The following NUDT4 variants were observed in gnomAD, a reference collection of about 807,000 sequenced individuals.
NUDT4 encodes the protein diphosphoinositol polyphosphate phosphohydrolase 2.
NUDT4 carries 5 observed loss-of-function variants against 23.1 expected under a neutral mutation model. That is an observed-to-expected ratio of 0.22 (90% CI 0.11 to 0.46). The LOEUF (loss-of-function observed/expected upper bound fraction) is 0.46, where lower values mean the gene tolerates loss of function less well. Ranked by LOEUF, NUDT4 falls within the 20% of genes least tolerant of loss-of-function variation. The probability of loss-of-function intolerance (pLI) is 0.99; values close to 1 mark genes in which losing one functional copy is unlikely to be tolerated. For synonymous variants in NUDT4, 50 were observed against 79.0 expected, an observed-to-expected ratio of 0.63 and a Z score of 1.95; for missense variants, 96 against 211.6, an observed-to-expected ratio of 0.45 and a Z score of 3.39.
intron 1 of NUDT4, among the ~76,000 whole-genome samples, chr12:93,387,896 C>T (rs1876223718): frequency 6.6e-6 from 1 of 152,164 alleles, no homozygotes; most frequent in Non-Finnish European, 1.5e-5. Flanking sequence ...ATCATCCAGT[C>T]TATTCTCTTA....
intron 3 of NUDT4, 37 bp downstream of exon 3, chr12:93,395,570 GAATT>G (rs765299274): frequency 6.6e-7 from 1 of 1,511,470 alleles, no homozygotes; most frequent in African/African-American, 1.4e-5. Context: ...GCTGATAATA[GAATT>G]AATGATTTCT....
intron 1 of NUDT4, among the ~76,000 whole-genome samples, chr12:93,384,184 C>CT (rs796263343): frequency 0.014 from 2,071 of 146,120 alleles, 51 homozygotes; most frequent in African/African-American, 0.048. Context: ...GGTGCCCAAG[C>CT]TTTTTTTTTT....
At position 93,405,788 on chromosome 12, in the gene NUDT4, T is replaced by C. The variant is rs930171356; in HGVS notation, c.*6409T>C. The stretch of plus-strand genomic sequence containing the variant: ...ATTTAAAGTATAAACCCTCATATAA[T>C]TCCCTAAGATGGGTGGCATGCCAAG... On this transcript the variant is annotated 3_prime_UTR_variant, in exon 5 of 5. Coordinates refer to ENST00000415493, the MANE Select transcript of NUDT4 (RefSeq NM_019094.6). The C allele has an allele frequency of 6.6e-6, 1 of 152,202 alleles. No individual in the cohort carries two copies. The highest frequency in any genetic ancestry group is 1.5e-5 in the Non-Finnish European group (1 of 68,020). The allele number at this position is 152,202 out of a possible 1,614,324, so 9.4% of individuals were successfully genotyped here. A position where few individuals can be genotyped will look rare whatever the true frequency, so the allele number is the denominator to read the frequency against.
intron 1 of NUDT4, among the ~76,000 whole-genome samples, chr12:93,387,277 C>T (rs955793647): frequency 4.6e-5 from 7 of 152,118 alleles, no homozygotes; most frequent in African/African-American, 1.7e-4. Context: ...TTTTTTCAAG[C>T]TGAATTGCTT....
At chr12:93,394,827 G>A (rs998612784) in intron 2 of NUDT4, 108 bp downstream of exon 2, 3 of 614,558 alleles carry the variant, frequency 4.9e-6, no homozygotes, top group Non-Finnish European at 8.7e-6. Context: ...TTTGCCTGAT[G>A]CAACTTTATT....
chr12:93,379,354 TTAAGA>T (rs1484039325), intron 1 of NUDT4, among the ~76,000 whole-genome samples: 2 of 152,200 alleles, frequency 1.3e-5, no homozygotes, highest in African/African-American at 4.8e-5. Flanking sequence ...ATTGCCACTC[TTAAGA>T]TAAATTACAT....
In NUDT4 at chr12:93,402,911, T is replaced by C. The variant is rs1011575980; in HGVS notation, c.*3532T>C. ...AAAGACCAACTGTAGAATCCTTAAG[T>C]CCTGTTCAAGTGTCACTTCATTTTT... On this transcript the variant is annotated 3_prime_UTR_variant, in exon 5 of 5. Coordinates refer to ENST00000415493, the MANE Select transcript of NUDT4 (RefSeq NM_019094.6). The C allele has an allele frequency of 6.6e-6, 1 of 152,162 alleles. No homozygotes were observed. Among genetic ancestry groups the C allele is most frequent in the Admixed American group, 6.5e-5 (1 of 15,278 alleles). The allele number at this position is 152,162 out of a possible 1,614,324, so 9.4% of individuals were successfully genotyped here.
chr12:93,395,378 G>A (rs1876861782), intron 2 of NUDT4, 111 bp from the exon 3 acceptor site: 3 of 757,056 alleles, frequency 4.0e-6, no homozygotes, highest in South Asian at 1.5e-5. Context: ...TTGGTATGGG[G>A]AGGGGTATTG....
rs1877646934 is a variant in NUDT4 at position 93,403,923 on chromosome 12, G to A, written c.*4544G>A. The A allele has an allele frequency of 6.6e-6, 1 of 152,168 alleles. No individual in the cohort carries two copies. The highest frequency in any genetic ancestry group is 1.9e-4 in the East Asian group (1 of 5,190). 9.4% of individuals were successfully genotyped at this position (152,168 alleles called of 1,614,324 possible). A position where few individuals can be genotyped will look rare whatever the true frequency, so the allele number is the denominator to read the frequency against. On this transcript the variant is annotated 3_prime_UTR_variant, in exon 5 of 5. Transcript: ENST00000415493. ...AGACCTAAACACTCAAAGGTTCAACGTCTTCTAGCCAGGGAACTATTCTCT... is the reference window on the plus strand; with the variant it reads ...AGACCTAAACACTCAAAGGTTCAACATCTTCTAGCCAGGGAACTATTCTCT...
At chr12:93,392,802 C>T (rs1278270381) in intron 1 of NUDT4, among the ~76,000 whole-genome samples, 1 of 128,696 alleles carries the variant, frequency 7.8e-6, no homozygotes. Context: ...CCTCAGTCTC[C>T]CGATTAGCTG....
intron 4 of NUDT4, 24 bp downstream of exon 4, chr12:93,398,879 A>G (rs71458508): frequency 0.058 from 79,017 of 1,364,562 alleles, 2,627 homozygotes; most frequent in Middle Eastern, 0.07. Flanking sequence ...TGTTATCTGA[A>G]TACTCTGTTC....
At position 93,404,182 on chromosome 12, in the gene NUDT4, C is replaced by G. The variant is rs1369189125; in HGVS notation, c.*4803C>G. The stretch of plus-strand genomic sequence containing the variant: ...TTATTTATCAACCTTAAGAAACATG[C>G]CTATTGACGAAGTAAATATACTAGG... On this transcript the variant is annotated 3_prime_UTR_variant, in exon 5 of 5. Coordinates refer to ENST00000415493, the MANE Select transcript of NUDT4 (RefSeq NM_019094.6). 1 of 152,128 alleles carries G rather than the reference C, an allele frequency of 6.6e-6. No individual in the cohort carries two copies. Among genetic ancestry groups the G allele is most frequent in the Non-Finnish European group, 1.5e-5 (1 of 68,022 alleles). The allele number at this position is 152,128 out of a possible 1,614,324, so 9.4% of individuals were successfully genotyped here.
intron 1 of NUDT4, among the ~76,000 whole-genome samples, chr12:93,391,247 G>A (rs1429395007): frequency 6.6e-6 from 1 of 151,952 alleles, no homozygotes; most frequent in Non-Finnish European, 1.5e-5. Flanking sequence ...AGGCAACATG[G>A]CAAGACCCCA....
rs928355210 is a variant in NUDT4 at position 93,392,252 on chromosome 12, C to T, written c.100-2357C>T. ...CAAATATTCCTTTGTTTCCCCCCCCCCCTTTTTTTTTTCCTTTTTTTGAGA... is the reference window on the plus strand; with the variant it reads ...CAAATATTCCTTTGTTTCCCCCCCCTCCTTTTTTTTTTCCTTTTTTTGAGA... On this transcript the variant is annotated intron_variant, in intron 1 of 4. Transcript: ENST00000415493. Among the ~76,000 whole-genome samples the T allele has an allele frequency of 8.6e-4, 120 of 139,380 alleles. 4 individuals are homozygous for T. The South Asian group carries it at 0.028, about 33-fold the overall frequency. The allele number at this position is 139,380 out of a possible 152,430, so 91.4% of individuals were successfully genotyped here. A position where few individuals can be genotyped will look rare whatever the true frequency, so the allele number is the denominator to read the frequency against.
Position 93,406,945 on chromosome 12 carries a change from A to C in NUDT4, c.*7566A>C, listed in dbSNP as rs1488122903. 6.6e-6 allele frequency: 1 copy of C among 152,268 alleles called. No individual in the cohort carries two copies. Among genetic ancestry groups the C allele is most frequent in the Non-Finnish European group, 1.5e-5 (1 of 68,050 alleles). 9.4% of individuals were successfully genotyped at this position (152,268 alleles called of 1,614,324 possible). On this transcript the variant is annotated 3_prime_UTR_variant, in exon 5 of 5. Transcript: ENST00000415493. ...GAAGCAAATCGCAGCGAAGTAGACT[A>C]CAACAATCAAGTCAAAAAACATAAA...
chr12:93,381,630 G>A (rs1043707041), intron 1 of NUDT4, among the ~76,000 whole-genome samples: 2 of 152,162 alleles, frequency 1.3e-5, no homozygotes, highest in Non-Finnish European at 2.9e-5. Flanking sequence ...TTGGATGTGG[G>A]TGACTGGGAG....
chr12:93,399,097 C>G (rs531798439), intron 4 of NUDT4, 80 bp from the exon 5 acceptor site: 3 of 976,324 alleles, frequency 3.1e-6, no homozygotes, highest in Non-Finnish European at 4.9e-6. Context: ...AGTCATTTAT[C>G]GGGGAGTAAG....
At chr12:93,389,299 C>T (rs1053729190) in intron 1 of NUDT4, among the ~76,000 whole-genome samples, 1 of 151,922 alleles carries the variant, frequency 6.6e-6, no homozygotes, top group African/African-American at 2.4e-5. Context: ...ATGGAGAAAC[C>T]CCGTCTCTAC....
intron 2 of NUDT4, among the ~76,000 whole-genome samples, chr12:93,395,227 C>T (rs528430724): frequency 6.6e-6 from 1 of 152,144 alleles, no homozygotes; most frequent in Non-Finnish European, 1.5e-5. Context: ...CTCAAGTGAT[C>T]CTTCTGCCTC....
Sources: gnomAD v4.1 joint callset for allele counts (sites outside exome capture counted in the v4.1 genomes callset) on GRCh38, gnomAD v4.1.1 for gene constraint, MANE v1.5 for transcripts, NCBI Gene and HGNC (gene_info 2026-07-23, HGNC 2026-07-21) for gene names.